Variants in ZMAT4 observed in about 807,000 individuals in gnomAD.
The protein encoded by ZMAT4 is zinc finger matrin-type 4, also known as zinc finger matrin-type protein 4.
In ZMAT4, 17 loss-of-function variants were observed where a neutral mutation model predicts 28.7. That is an observed-to-expected ratio of 0.59 (90% CI 0.41 to 0.89). The LOEUF is 0.89. Among genes scored for constraint, ZMAT4 ranks in the 40% least tolerant of loss-of-function variants. ZMAT4 has a pLI of 0.00. For missense variants in ZMAT4, 240 were observed against 283.8 expected (o/e 0.85, Z 1.11); for synonymous variants, 117 against 109.2 (o/e 1.07, Z -0.44).
At chr8:40,731,578 C>T (rs1029169401) in intron 3 of ZMAT4, among the ~76,000 whole-genome samples, 17 of 152,202 alleles carry the variant, frequency 1.1e-4, no homozygotes, top group Middle Eastern at 3.4e-3. Context: ...AAGTACATTC[C>T]ATTCAAAGGA....
chr8:40,565,868 C>T (rs1388277841), intron 6 of ZMAT4, among the ~76,000 whole-genome samples: 1 of 151,812 alleles, frequency 6.6e-6, no homozygotes, highest in African/African-American at 2.4e-5. Flanking sequence ...CAACACCACA[C>T]TCCTGACAGC....
intron 1 of ZMAT4, among the ~76,000 whole-genome samples, chr8:40,885,462 A>T (rs114030563): frequency 0.012 from 1,766 of 152,172 alleles, 33 homozygotes; most frequent in African/African-American, 0.04. Flanking sequence ...ACAGAGCCCC[A>T]CTCCACTGTA....
rs569001831 is a variant in ZMAT4, at chr8:40,676,744, T to C, written c.350-1813A>G. On this transcript the variant is annotated intron_variant, in intron 4 of 6. Coordinates refer to ENST00000297737, the MANE Select transcript of ZMAT4 (RefSeq NM_024645.3). ...TTTAGCTAGTTTAGATTAAACTTAA[T>C]GGTGTTATTTTTACAGGGACTCACA... Among the ~76,000 whole-genome samples, 24 of 152,320 alleles carry C rather than the reference T, an allele frequency of 1.6e-4. No individual in the cohort carries two copies. The Middle Eastern group carries it at 0.014, about 86-fold the overall frequency.
rs141410745 is a variant in ZMAT4 at position 40,602,372 on chromosome 8, T to C, written c.578-21111A>G. Among the ~76,000 whole-genome samples, 308 of 152,322 alleles carry C rather than the reference T, an allele frequency of 2.0e-3. 1 individual carries two copies. Among genetic ancestry groups the C allele is most frequent in the African/African-American group, 7.3e-3 (303 of 41,568 alleles). On this transcript the variant is annotated intron_variant, in intron 5 of 6. Transcript: ENST00000297737. ...GTATAATAACTTCTTTTCCTCTGGG[T>C]AGATTCCCAAGTAGTGGGAATGCTG...
intron 3 of ZMAT4, among the ~76,000 whole-genome samples, chr8:40,754,053 T>C (rs1812568479): frequency 6.6e-6 from 1 of 151,872 alleles, no homozygotes; most frequent in African/African-American, 2.4e-5. Context: ...ACGCCTGTAG[T>C]CTCAGCTACT....
chr8:40,855,601 T>C (rs1817267032), intron 1 of ZMAT4, among the ~76,000 whole-genome samples: 1 of 152,062 alleles, frequency 6.6e-6, no homozygotes, highest in Non-Finnish European at 1.5e-5. Flanking sequence ...ACAGTAAAAT[T>C]TGTCCTTCAG....
At chr8:40,841,586 C>T (rs1278721547) in intron 1 of ZMAT4, among the ~76,000 whole-genome samples, 1 of 152,186 alleles carries the variant, frequency 6.6e-6, no homozygotes, top group African/African-American at 2.4e-5. Context: ...TGTGCACGCC[C>T]GACAGGTGTC....
chr8:40,629,536 C>T (rs1806495867), intron 5 of ZMAT4, among the ~76,000 whole-genome samples: 1 of 151,750 alleles, frequency 6.6e-6, no homozygotes, highest in South Asian at 2.1e-4. Context: ...ACGTATATCT[C>T]CTAATGCTAT....
chr8:40,616,118 C>CA (rs1374113752), intron 5 of ZMAT4, among the ~76,000 whole-genome samples: 1 of 152,164 alleles, frequency 6.6e-6, no homozygotes, highest in Non-Finnish European at 1.5e-5. Flanking sequence ...TTTATGCAGT[C>CA]AACAGACGCA....
At chr8:40,587,114 G>GA (rs199859817) in intron 5 of ZMAT4, among the ~76,000 whole-genome samples, 9,016 of 118,312 alleles carry the variant, frequency 0.076, 610 homozygotes, top group East Asian at 0.4. Context: ...AGTGATAAAA[G>GA]AAAAAAAAAA....
intron 1 of ZMAT4, among the ~76,000 whole-genome samples, chr8:40,855,678 AC>A (rs1351735682): frequency 7.2e-6 from 1 of 139,622 alleles, no homozygotes; most frequent in East Asian, 2.5e-4. Context: ...GTTCACCAAA[AC>A]TTTTTTTTTT....
rs138195697 is a variant in ZMAT4, at chr8:40,749,857, T to G, written c.192+17784A>C. On this transcript the variant is annotated intron_variant, in intron 3 of 6. Transcript: ENST00000297737. Reference sequence around the variant, plus strand: ...TCTACTTCCACTGCCCTCTGCCCCTTCCTTAGATCATTTGCAAAATGCACA... The same window carrying G: ...TCTACTTCCACTGCCCTCTGCCCCTGCCTTAGATCATTTGCAAAATGCACA... Among the ~76,000 whole-genome samples, 1,266 of 152,304 alleles carry G rather than the reference T, an allele frequency of 8.3e-3. 11 individuals are homozygous for G. The highest frequency in any genetic ancestry group is 0.048 in the Middle Eastern group (14 of 294).
chr8:40,692,238 A>G (rs530051232), intron 4 of ZMAT4, among the ~76,000 whole-genome samples: 3 of 152,338 alleles, frequency 2.0e-5, no homozygotes, highest in South Asian at 4.1e-4. Flanking sequence ...GTTACTGAAG[A>G]CACACATAAC....
rs1265637075 is a variant in ZMAT4, at chr8:40,832,570, C to T, written c.-4-6890G>A. Among the ~76,000 whole-genome samples the T allele has an allele frequency of 2.6e-5, 4 of 152,274 alleles. No individual in the cohort carries two copies. In the East Asian group the frequency reaches 5.8e-4, roughly 22 times the overall value. On this transcript the variant is annotated intron_variant, in intron 1 of 6. Coordinates refer to ENST00000297737, the MANE Select transcript of ZMAT4 (RefSeq NM_024645.3). ...ATGCCACCACCAAACAGCCTGGCCC[C>T]GAGCCCAGCTGCCCTTGGCAGTGCT... is the stretch of plus-strand genomic sequence containing the variant.
chr8:40,727,642 C>G (rs889831092), intron 3 of ZMAT4, among the ~76,000 whole-genome samples: 1 of 152,140 alleles, frequency 6.6e-6, no homozygotes, highest in Non-Finnish European at 1.5e-5. Context: ...ATTTCCTTAT[C>G]AGAAGAATAA....
At chr8:40,567,730 A>G (rs1406778357) in intron 6 of ZMAT4, among the ~76,000 whole-genome samples, 1 of 151,962 alleles carries the variant, frequency 6.6e-6, no homozygotes, top group Non-Finnish European at 1.5e-5. Flanking sequence ...AACAAAAAAA[A>G]ACCCCAAAAC....
At chr8:40,711,539 G>T (rs745451309) in intron 3 of ZMAT4, among the ~76,000 whole-genome samples, 3 of 152,126 alleles carry the variant, frequency 2.0e-5, no homozygotes, top group African/African-American at 7.2e-5. Flanking sequence ...TGTTGAATGG[G>T]GATCACAAGT....
At chr8:40,559,007 G>A (rs1353874738) in intron 6 of ZMAT4, among the ~76,000 whole-genome samples, 3 of 152,148 alleles carry the variant, frequency 2.0e-5, no homozygotes, top group Non-Finnish European at 4.4e-5. Context: ...TGCACTTAAA[G>A]AATAAACTAA....
At chr8:40,764,039 G>A (rs992634983) in intron 3 of ZMAT4, among the ~76,000 whole-genome samples, 15 of 151,892 alleles carry the variant, frequency 9.9e-5, no homozygotes, top group Non-Finnish European at 1.6e-4. Context: ...TAAAAATGCT[G>A]TTTCCCATAC....
Sources: allele counts gnomAD v4.1 joint callset (sites outside exome capture counted in the v4.1 genomes callset), GRCh38; gene constraint gnomAD v4.1.1; transcripts MANE v1.5; gene names NCBI Gene and HGNC (gene_info 2026-07-23, HGNC 2026-07-21).